The following JMJD1C variants were observed in gnomAD, a reference collection of about 807,000 sequenced individuals.
JMJD1C encodes the protein jumonji domain containing 1C, also known as jumonji domain-containing protein 1C.
In JMJD1C, 31 loss-of-function variants were observed where a neutral mutation model predicts 245.3. The observed-to-expected ratio is 0.13, with a 90% CI of 0.09 to 0.17. JMJD1C has a LOEUF of 0.17. Among genes scored for constraint, JMJD1C ranks in the 10% least tolerant of loss-of-function variants. JMJD1C has a pLI of 1.00. For synonymous variants in JMJD1C, 1,057 were observed against 1,017.4 expected, an observed-to-expected ratio of 1.04 and a Z score of -0.74; for missense variants, 2,691 against 3,000.2, an observed-to-expected ratio of 0.90 and a Z score of 2.41.
intron 1 of JMJD1C, among the ~76,000 whole-genome samples, chr10:63,418,319 C>T (rs1470608353): frequency 6.6e-6 from 1 of 152,164 alleles, no homozygotes; most frequent in African/African-American, 2.4e-5. Flanking sequence ...TTATAAAATG[C>T]ATCCTGACAA....
intron 1 of JMJD1C, among the ~76,000 whole-genome samples, chr10:63,462,612 G>T (rs1263254576): frequency 1.3e-5 from 2 of 152,180 alleles, no homozygotes; most frequent in East Asian, 3.9e-4. Context: ...GTGTAATGGG[G>T]AAGCAGGAGA....
chr10:63,360,979 C>G (rs1375421897), intron 2 of JMJD1C, among the ~76,000 whole-genome samples: 1 of 152,064 alleles, frequency 6.6e-6, no homozygotes, highest in African/African-American at 2.4e-5. Flanking sequence ...TAAATACTTT[C>G]AATTGTTTTC....
intron 2 of JMJD1C, among the ~76,000 whole-genome samples, chr10:63,327,367 C>T (rs1279659056): frequency 6.6e-6 from 1 of 152,194 alleles, no homozygotes; most frequent in Admixed American, 6.5e-5. Context: ...GTTTTATCTG[C>T]TGAAATTCAA....
chr10:63,305,740 G>A (rs141859248), intron 2 of JMJD1C, among the ~76,000 whole-genome samples: 24 of 149,814 alleles, frequency 1.6e-4, no homozygotes, highest in Non-Finnish European at 2.2e-4. Context: ...GTATTGTAAC[G>A]TAAGTAATTT....
At chr10:63,168,849 T>C (rs1170352353) in intron 24 of JMJD1C, among the ~76,000 whole-genome samples, 1 of 152,114 alleles carries the variant, frequency 6.6e-6, no homozygotes, top group Non-Finnish European at 1.5e-5. Context: ...GATATTAAAT[T>C]ATCAATTTTG....
chr10:63,441,545 C>A (rs1274324806), intron 1 of JMJD1C, among the ~76,000 whole-genome samples: 2 of 152,162 alleles, frequency 1.3e-5, no homozygotes, highest in African/African-American at 4.8e-5. Context: ...ACCAATCACT[C>A]CTCCCTTCCT....
At position 63,396,799 on chromosome 10, in the gene JMJD1C, C is replaced by CA. The variant is rs947151257; in HGVS notation, c.169-16318dup. Among the ~76,000 whole-genome samples, 739 of 138,116 alleles carry CA rather than the reference C, an allele frequency of 5.4e-3. 1 individual carries two copies. The highest frequency in any genetic ancestry group is 0.015 in the Middle Eastern group (4 of 266). 90.6% of individuals were successfully genotyped at this position (138,116 alleles called of 152,430 possible). A position where few individuals can be genotyped will look rare whatever the true frequency, so the allele number is the denominator to read the frequency against. On this transcript the variant is annotated intron_variant, in intron 1 of 25. Transcript: ENST00000399262. ...TTGTGATATACTTCCTTAGATTCAG[C>CA]AAAAAAAAAAAGTATAAAATTTAAA...
intron 1 of JMJD1C, among the ~76,000 whole-genome samples, chr10:63,516,199 C>A: frequency 7.1e-6 from 1 of 141,068 alleles, no homozygotes; most frequent in Admixed American, 7.3e-5. Context: ...GACTAAATAT[C>A]TATTAATAAT....
rs1589031822 is a variant in JMJD1C, at chr10:63,168,432, T to C, written c.7533+3A>G. 1 of 1,604,262 alleles carries C rather than the reference T, an allele frequency of 6.2e-7. No individual in the cohort carries two copies. On this transcript the variant is annotated splice_donor_region_variant and intron_variant, in intron 25 of 25. Transcript: ENST00000399262. ...AACAGGACCTAGAACACCCAACTCT[T>C]ACCTGTAGTTTATCATCATAATTGA...
At chr10:63,410,456 A>G (rs1324021534) in intron 1 of JMJD1C, among the ~76,000 whole-genome samples, 1 of 152,198 alleles carries the variant, frequency 6.6e-6, no homozygotes, top group African/African-American at 2.4e-5. Context: ...GGTGAAAGAA[A>G]GTGATAATAT....
At chr10:63,412,986 G>C (rs1451286912) in intron 1 of JMJD1C, among the ~76,000 whole-genome samples, 2 of 152,056 alleles carry the variant, frequency 1.3e-5, no homozygotes, top group African/African-American at 4.8e-5. Flanking sequence ...GGATGATATT[G>C]ATTTAATTAA....
chr10:63,384,930 GCT>G (rs1947472117), intron 1 of JMJD1C, among the ~76,000 whole-genome samples: 2 of 152,292 alleles, frequency 1.3e-5, no homozygotes, highest in South Asian at 4.1e-4. Context: ...CTAGCTTTGT[GCT>G]CTGTCTTGGC....
In JMJD1C at chr10:63,356,838, A is replaced by G. The variant is rs559133115; in HGVS notation, c.333+23480T>C. ...AGAGAACATTTTCACTTTTAACTTTATACTATTCACAACTATTCAAACTTC... is the reference window on the plus strand; with the variant it reads ...AGAGAACATTTTCACTTTTAACTTTGTACTATTCACAACTATTCAAACTTC... On this transcript the variant is annotated intron_variant, in intron 2 of 25. Transcript: ENST00000399262. 2.6e-5 allele frequency among the ~76,000 whole-genome samples: 4 copies of G among 152,280 alleles called. No homozygotes were observed. The South Asian group carries it at 8.3e-4, about 32-fold the overall frequency.
chr10:63,477,212 AT>A (rs966500207), intron 1 of JMJD1C, among the ~76,000 whole-genome samples: 32 of 150,340 alleles, frequency 2.1e-4, no homozygotes, highest in South Asian at 6.3e-4. Flanking sequence ...GATGGTATTA[AT>A]TTTTTTTTTG....
rs563598508 is a variant in JMJD1C, at chr10:63,348,018, G to T, written c.333+32300C>A. 3.9e-5 allele frequency among the ~76,000 whole-genome samples: 6 copies of T among 152,164 alleles called. No individual in the cohort carries two copies. The South Asian group carries it at 1.0e-3, about 26-fold the overall frequency. ...ACTTGAGGTCAGGAGTTCGAGATCA[G>T]CCTGGACAACATGGTGAAATCCACC... On this transcript the variant is annotated intron_variant, in intron 2 of 25. Coordinates refer to ENST00000399262, the MANE Select transcript of JMJD1C (RefSeq NM_032776.3).
intron 1 of JMJD1C, among the ~76,000 whole-genome samples, chr10:63,433,092 T>C (rs1333465438): frequency 3.3e-5 from 5 of 151,440 alleles, no homozygotes; most frequent in Non-Finnish European, 7.4e-5. Context: ...ATTTTATTAT[T>C]ATCATTTTTT....
intron 3 of JMJD1C, among the ~76,000 whole-genome samples, chr10:63,246,300 G>A (rs571539447): frequency 7.2e-5 from 11 of 152,136 alleles, no homozygotes; most frequent in South Asian, 6.2e-4. Flanking sequence ...GGTCAAAAAC[G>A]AAGAGAGGAT....
chr10:63,444,792 AT>A (rs1449146136), intron 1 of JMJD1C, among the ~76,000 whole-genome samples: 1 of 152,092 alleles, frequency 6.6e-6, no homozygotes, highest in Admixed American at 6.6e-5. Context: ...CGCCCAGCTA[AT>A]TTTTTTGTGA....
At chr10:63,367,434 T>C (rs1945942537) in intron 2 of JMJD1C, among the ~76,000 whole-genome samples, 7 of 151,950 alleles carry the variant, frequency 4.6e-5, no homozygotes, top group Admixed American at 4.6e-4. Flanking sequence ...TTAGGAGAGA[T>C]GGGGTTTCTC....
Sources: gnomAD v4.1 joint callset for allele counts (sites outside exome capture counted in the v4.1 genomes callset) on GRCh38, gnomAD v4.1.1 for gene constraint, MANE v1.5 for transcripts, NCBI Gene and HGNC (gene_info 2026-07-23, HGNC 2026-07-21) for gene names.